The following PTCH2 variants were observed in gnomAD, a reference collection of about 807,000 sequenced individuals.
The protein encoded by PTCH2 is protein patched homolog 2.
In PTCH2, 96 loss-of-function variants were observed where a neutral mutation model predicts 117.9. The observed-to-expected ratio is 0.81, with a 90% CI of 0.69 to 0.96. The LOEUF (loss-of-function observed/expected upper bound fraction) is 0.96, where lower values mean the gene tolerates loss of function less well. Among genes scored for constraint, PTCH2 ranks in the 50% least tolerant of loss-of-function variants. The probability of loss-of-function intolerance (pLI) is 0.00; values close to 1 mark genes in which losing one functional copy is unlikely to be tolerated. For synonymous variants in PTCH2, 615 were observed against 660.9 expected (o/e 0.93, Z 1.06); for missense variants, 1,379 against 1,562.5 (o/e 0.88, Z 1.98).
At chr1:44,821,873 A>G (rs1254008569), downstream of PTCH2, 1 of 1,365,752 alleles carries the variant, frequency 7.3e-7, no homozygotes, top group South Asian at 1.1e-5. Flanking sequence ...AGCTCCTTCC[A>G]ATAGCTAATG....
At position 44,826,707 on chromosome 1, in the gene PTCH2, C is replaced by A; in HGVS notation, c.2757G>T (p.Lys919Asn). 6.3e-7 allele frequency: 1 copy of A among 1,599,818 alleles called. No individual in the cohort carries two copies. The highest frequency in any genetic ancestry group is 1.1e-5 in the South Asian group (1 of 89,964). The change falls in exon 18 of 22, where the codon AAG becomes AAT. Residue 919 changes from lysine to asparagine, a missense_variant. Physicochemically the swap from Lys to Asn is moderately conservative, Grantham distance 94. Coordinates refer to ENST00000372192, the MANE Select transcript of PTCH2 (RefSeq NM_003738.5). The surrounding 1 kb of genome is among the most constrained non-coding windows in gnomAD (Gnocchi z 5.1). ...QFPFLLRGLQ[K>N]TADFVEAIEG... is the part of the protein sequence containing the mutation. ...CGATGGCCTCCACAAAGTCTGCAGT[C>A]TTCTGGAGGCCACGCAGCAGGAAGG...
chr1:44,823,704 T>C lies in PTCH2; in HGVS notation c.3115-319A>G, dbSNP rs7514741. On this transcript the variant is annotated intron_variant, in intron 19 of 21. Coordinates refer to ENST00000372192, the MANE Select transcript of PTCH2 (RefSeq NM_003738.5). The surrounding 1 kb of genome is among the most constrained non-coding windows in gnomAD (Gnocchi z 5.1). ...CTGTAATCCCAGCACTTTGGGAGGCTGAGGTGGGTGGATCACCTGAGGTTG... is the reference window on the plus strand; with the variant it reads ...CTGTAATCCCAGCACTTTGGGAGGCCGAGGTGGGTGGATCACCTGAGGTTG... Among the ~76,000 whole-genome samples, 64,346 of 151,870 alleles carry C rather than the reference T, an allele frequency of 0.42. 14,573 individuals are homozygous for C. The highest frequency in any genetic ancestry group is 0.59 in the African/African-American group (24,363 of 41,386).
chr1:44,839,554 G>A (rs1184612597), intron 2 of PTCH2, among the ~76,000 whole-genome samples: 2 of 152,074 alleles, frequency 1.3e-5, no homozygotes, highest in Non-Finnish European at 2.9e-5. Context: ...CTGGAGTATA[G>A]GAGAGAGGAT....
Position 44,828,621 on chromosome 1 carries a change from C to G in PTCH2, c.1475G>C (p.Gly492Ala). Residue 492 changes from glycine to alanine, a missense_variant, in exon 12 of 22, where the codon GGC becomes GCC. Transcript: ENST00000372192. Reference protein sequence around the residue: ...LPGTPLQERMGECLQRTGTSV... With the variant: ...LPGTPLQERMAECLQRTGTSV... ...GGTGCCCGTGCGCTGCAGACACTCG[C>G]CCATGCGCTCCTGCCAGGACAGAGT... 1 of 1,612,586 alleles carries G rather than the reference C, an allele frequency of 6.2e-7. No individual in the cohort carries two copies. Among genetic ancestry groups the G allele is most frequent in the East Asian group, 2.2e-5 (1 of 44,820 alleles).
In PTCH2 at chr1:44,823,361, G is replaced by A. The variant is rs758245867; in HGVS notation, c.3139C>T (p.Arg1047Trp). ...AGGGCATGGGCGGCCCGCAGGTTCC[G>A]GCTGCCCTGGGTGGTCAGGAAGCCC... ...ALGFLTTQGS[R>W]NLRAAHALEH... Residue 1047 changes from arginine to tryptophan, a missense_variant, in exon 20 of 22, where the codon CGG becomes TGG. Transcript: ENST00000372192. The surrounding 1 kb of genome is among the most constrained non-coding windows in gnomAD (Gnocchi z 5.1). 6.1e-5 allele frequency: 99 copies of A among 1,614,100 alleles called. No homozygotes were observed. The highest frequency in any genetic ancestry group is 8.0e-5 in the Non-Finnish European group (94 of 1,180,050).
rs761889726 is a variant in PTCH2 at position 44,832,309 on chromosome 1, T to C, written c.298A>G (p.Thr100Ala). The C allele has an allele frequency of 6.2e-7, 1 of 1,614,162 alleles. No homozygotes were observed. Among genetic ancestry groups the C allele is most frequent in the Admixed American group, 1.7e-5 (1 of 60,030 alleles). ...GSRVSQELHY[T>A]KEKLGEEAAY... ...GCCTCCTCCCCCAGCTTCTCCTTGG[T>C]GTAATGCAGCTCCTGGCTCACCCGG... Residue 100 changes from threonine to alanine, a missense_variant, in exon 3 of 22, where the codon ACC becomes GCC. Coordinates refer to ENST00000372192, the MANE Select transcript of PTCH2 (RefSeq NM_003738.5).
At chr1:44,838,229 CAACT>C (rs1653772210) in intron 2 of PTCH2, among the ~76,000 whole-genome samples, 1 of 152,140 alleles carries the variant, frequency 6.6e-6, no homozygotes, top group Non-Finnish European at 1.5e-5. Flanking sequence ...GTGATTCTAC[CAACT>C]GATATAAGGC....
downstream of PTCH2, chr1:44,820,165 G>T (rs1301971978): frequency 5.7e-6 from 2 of 350,080 alleles, no homozygotes; most frequent in Non-Finnish European, 1.1e-5. Context: ...CAGAGGGAGT[G>T]CAAGCATCTT....
At position 44,826,401 on chromosome 1, in the gene PTCH2, G is replaced by A; in HGVS notation, c.2977-14C>T. On this transcript the variant is annotated splice_polypyrimidine_tract_variant and intron_variant, in intron 18 of 21. Coordinates refer to ENST00000372192, the MANE Select transcript of PTCH2 (RefSeq NM_003738.5). This position sits in a 1 kb window ranked among gnomAD's most constrained non-coding sequence, Gnocchi z 5.1. ...CAGGACCAGCACCTGAGGGAGACAG[G>A]GCTCACAGAGGGCTCCTGGCAGGAG... The A allele has an allele frequency of 6.2e-7, 1 of 1,614,084 alleles. No individual in the cohort carries two copies. Among genetic ancestry groups the A allele is most frequent in the Non-Finnish European group, 8.5e-7 (1 of 1,180,020 alleles).
intron 2 of PTCH2, among the ~76,000 whole-genome samples, chr1:44,833,167 A>G (rs1031812429): frequency 6.6e-6 from 1 of 152,092 alleles, no homozygotes; most frequent in African/African-American, 2.4e-5. Context: ...GTCCTGCGTT[A>G]TGCTGGCCAC....
chr1:44,830,912 C>T lies in PTCH2; in HGVS notation c.749G>A (p.Arg250Gln), dbSNP rs771080740. The change falls in exon 6 of 22, where the codon CGG becomes CAG. Residue 250 changes from arginine (R) to glutamine (Q), a missense_variant. Transcript: ENST00000372192. ...KAQVGQAYVG[R>Q]PCLHPDDLHC... is the part of the protein sequence containing the mutation. ...GAGGTCATCAGGGTGCAGACAGGGC[C>T]GCCCCACGTAGGCCTGGCCCACCTG... 2.7e-5 allele frequency: 43 copies of T among 1,585,864 alleles called. No homozygotes were observed. The highest frequency in any genetic ancestry group is 6.8e-5 in the East Asian group (3 of 44,106).
Position 44,831,122 on chromosome 1 carries a change from AC to A in PTCH2, c.618-80del. 1.5e-6 allele frequency: 2 copies of A among 1,368,870 alleles called. No individual in the cohort carries two copies. Among genetic ancestry groups the A allele is most frequent in the Non-Finnish European group, 1.0e-6 (1 of 985,940 alleles). The allele number at this position is 1,368,870 out of a possible 1,614,324, so 84.8% of individuals were successfully genotyped here. A position where few individuals can be genotyped will look rare whatever the true frequency, so the allele number is the denominator to read the frequency against. On this transcript the variant is annotated intron_variant, in intron 5 of 21. Coordinates refer to ENST00000372192, the MANE Select transcript of PTCH2 (RefSeq NM_003738.5). The surrounding 1 kb of genome is among the most constrained non-coding windows in gnomAD (Gnocchi z 4.3). ...AACTGCTGCTGGGGCGCCATGCTGTACCCCACCCTCCTCTTATCTGCCGATT... is the reference window on the plus strand; with the variant it reads ...AACTGCTGCTGGGGCGCCATGCTGTACCCACCCTCCTCTTATCTGCCGATT...
chr1:44,821,614 G>A (rs1164078617), downstream of PTCH2: 1 of 289,406 alleles, frequency 3.5e-6, no homozygotes, highest in Non-Finnish European at 5.2e-6. Flanking sequence ...GTAGGTGGAG[G>A]TGAGTCTGGA....
downstream of PTCH2, chr1:44,820,245 G>A (rs186548203): frequency 1.3e-5 from 5 of 393,202 alleles, no homozygotes; most frequent in South Asian, 5.3e-5. Context: ...CCGCGCCACC[G>A]GGGAAGCCAT....
chr1:44,837,208 C>G (rs1653725982), intron 2 of PTCH2, among the ~76,000 whole-genome samples: 1 of 151,974 alleles, frequency 6.6e-6, no homozygotes, highest in Non-Finnish European at 1.5e-5. Flanking sequence ...CTTTCCTTTT[C>G]TTCTCTTTTC....
At position 44,827,271 on chromosome 1, in the gene PTCH2, G is replaced by A. The variant is rs146570996; in HGVS notation, c.2410C>T (p.Arg804Cys). The A allele has an allele frequency of 3.0e-5, 48 of 1,613,776 alleles. No individual in the cohort carries two copies. Among genetic ancestry groups the A allele is most frequent in the East Asian group, 4.5e-5 (2 of 44,888 alleles). ...TTGCGGTACGAGTGGCGGGTGATGC[G>A]CCCAGAAGCCCAGTCCTGGTCAAAG... ...AAFDQDWASG[R>C]ITRHSYRNGS... The change falls in exon 16 of 22, where the codon CGC (arginine) becomes TGC (cysteine). Residue 804 changes from arginine to cysteine, a missense_variant. Transcript: ENST00000372192.
In PTCH2 at chr1:44,826,309, C is replaced by T. The variant is rs11573591; in HGVS notation, c.3055G>A (p.Val1019Met). 2.7e-4 allele frequency: 436 copies of T among 1,614,012 alleles called. No homozygotes were observed. Among genetic ancestry groups the T allele is most frequent in the Non-Finnish European group, 3.5e-4 (417 of 1,180,044 alleles). The change falls in exon 19 of 22, where the codon GTG becomes ATG. Residue 1019 changes from valine to methionine, a missense_variant. Coordinates refer to ENST00000372192, the MANE Select transcript of PTCH2 (RefSeq NM_003738.5). The surrounding 1 kb of genome is among the most constrained non-coding windows in gnomAD (Gnocchi z 5.1). ...CCTACAGAGGCCACAAGGATCACCA[C>T]GGGGATGGCACTCAGCTTGATGCCC... ...FLGIKLSAIP[V>M]VILVASVGIG...
chr1:44,833,500 G>A (rs1263780984), intron 2 of PTCH2, among the ~76,000 whole-genome samples: 1 of 147,692 alleles, frequency 6.8e-6, no homozygotes, highest in East Asian at 2.0e-4. Flanking sequence ...GCAGTGGCCT[G>A]ATCATAGCTC....
At chr1:44,837,498 C>T (rs948768397) in intron 2 of PTCH2, among the ~76,000 whole-genome samples, 1 of 152,152 alleles carries the variant, frequency 6.6e-6, no homozygotes, top group Non-Finnish European at 1.5e-5. Flanking sequence ...AGGTGATCCA[C>T]CCCACCCTGG....
Sources: gnomAD v4.1 joint callset for allele counts (sites outside exome capture counted in the v4.1 genomes callset) on GRCh38, gnomAD v4.1.1 for gene constraint, Gnocchi (gnomAD v3.1) non-coding constraint, MANE v1.5 for transcripts, NCBI Gene and HGNC (gene_info 2026-07-23, HGNC 2026-07-21) for gene names.